MSI2: variants seen among roughly 807,000 people sequenced by gnomAD.
MSI2 encodes the protein musashi RNA binding protein 2, also known as RNA-binding protein Musashi homolog 2.
MSI2 carries 17 observed loss-of-function variants against 45.6 expected under a neutral mutation model. The observed-to-expected ratio is 0.37, with a 90% CI of 0.26 to 0.56. The LOEUF (loss-of-function observed/expected upper bound fraction) is 0.56. Ranked by LOEUF, MSI2 falls within the 20% of genes least tolerant of loss-of-function variation. The pLI is 0.77. For synonymous variants in MSI2, 156 were observed against 158.2 expected (o/e 0.99, Z 0.11); for missense variants, 293 against 444.2 (o/e 0.66, Z 3.06).
In MSI2 at chr17:57,350,818, C is replaced by T. The variant is rs528989946; in HGVS notation, c.313-50561C>T. Among the ~76,000 whole-genome samples the T allele has an allele frequency of 3.9e-5, 6 of 152,258 alleles. No homozygotes were observed. In the South Asian group the frequency reaches 1.2e-3, roughly 32 times the overall value. On this transcript the variant is annotated intron_variant, in intron 5 of 13. Transcript: ENST00000284073. ...AGACTTTTTGTTCACCCACTGTCAT[C>T]GTATCAGCTAGGGTCTCTGTAGGAA... is the stretch of plus-strand genomic sequence containing the variant.
At chr17:57,602,018 G>A (rs1320383281) in intron 8 of MSI2, 1 of 152,104 alleles carries the variant, frequency 6.6e-6, no homozygotes, top group Non-Finnish European at 1.5e-5. Context: ...CCTAGTATTT[G>A]AAAAATATGG....
At chr17:57,367,542 A>G (rs936477914) in intron 5 of MSI2, among the ~76,000 whole-genome samples, 2 of 152,182 alleles carry the variant, frequency 1.3e-5, no homozygotes, top group African/African-American at 2.4e-5. Flanking sequence ...TTGGGCCGGA[A>G]CAGCCCCTTT....
intron 6 of MSI2, among the ~76,000 whole-genome samples, chr17:57,460,488 GAA>G (rs1598295607): frequency 6.6e-6 from 1 of 152,102 alleles, no homozygotes; most frequent in African/African-American, 2.4e-5. Flanking sequence ...AAAGGAAAAA[GAA>G]AGAGAAGAAA....
intron 10 of MSI2, among the ~76,000 whole-genome samples, chr17:57,641,753 C>T (rs781747738): frequency 6.6e-6 from 1 of 152,094 alleles, no homozygotes; most frequent in Non-Finnish European, 1.5e-5. Flanking sequence ...AGCTAGAATC[C>T]CTTCACTTTG....
chr17:57,636,947 T>C (rs1308442099), intron 10 of MSI2, among the ~76,000 whole-genome samples: 1 of 152,204 alleles, frequency 6.6e-6, no homozygotes, highest in East Asian at 1.9e-4. Flanking sequence ...GGACCCCAGC[T>C]AGATGCTGCA....
Position 57,608,733 on chromosome 17 carries a change from G to A in MSI2, c.538-7237G>A, listed in dbSNP as rs942479179. Among the ~76,000 whole-genome samples, 25 of 152,342 alleles carry A rather than the reference G, an allele frequency of 1.6e-4. 1 individual carries two copies. Among genetic ancestry groups the A allele is most frequent in the Middle Eastern group, 3.4e-3 (1 of 294 alleles). ...CGTTCTGCTGTGAGGCTGACTCAGG[G>A]CCAGGTGCCGTGCAGGTACACAGTA... On this transcript the variant is annotated intron_variant, in intron 8 of 13. Transcript: ENST00000284073.
rs555530659 is a variant in MSI2, at chr17:57,657,953, C to T, written c.790+5792C>T. Among the ~76,000 whole-genome samples the T allele has an allele frequency of 7.9e-5, 12 of 152,344 alleles. No individual in the cohort carries two copies. In the South Asian group the frequency reaches 1.0e-3, roughly 13 times the overall value. On this transcript the variant is annotated intron_variant, in intron 11 of 13. Transcript: ENST00000284073. ...ACTCTGGTCCTGTCCTCTGAAAGTC[C>T]GTGTTTCCCACAATGCACTGTTTCT...
chr17:57,434,356 T>C (rs1427134746), intron 6 of MSI2, among the ~76,000 whole-genome samples: 1 of 152,184 alleles, frequency 6.6e-6, no homozygotes, highest in African/African-American at 2.4e-5. Context: ...CGCCTCGGCC[T>C]CCCAAAGTGC....
At chr17:57,342,838 A>T (rs1229406210) in intron 5 of MSI2, among the ~76,000 whole-genome samples, 2 of 152,208 alleles carry the variant, frequency 1.3e-5, no homozygotes, top group African/African-American at 4.8e-5. Flanking sequence ...AGCTGTTTTA[A>T]ATTTTAATGT....
intron 11 of MSI2, among the ~76,000 whole-genome samples, chr17:57,665,121 T>C (rs1416199488): frequency 6.6e-6 from 1 of 152,184 alleles, no homozygotes; most frequent in Non-Finnish European, 1.5e-5. Flanking sequence ...CCTGCTGCTG[T>C]GGAGCCCACG....
chr17:57,641,043 T>A (rs941349114), intron 10 of MSI2, among the ~76,000 whole-genome samples: 6 of 152,218 alleles, frequency 3.9e-5, no homozygotes, highest in Non-Finnish European at 8.8e-5. Context: ...AGCTGGTAAA[T>A]GGCTGCTGCC....
chr17:57,498,571 A>G lies in MSI2; in HGVS notation c.406-31105A>G, dbSNP rs530127200. Among the ~76,000 whole-genome samples, 56 of 152,258 alleles carry G rather than the reference A, an allele frequency of 3.7e-4. 1 individual carries two copies. In the South Asian group the frequency reaches 0.011, roughly 30 times the overall value. ...GGCCAGGCCTCATGTCCACATTCTT[A>G]TGCCTGGAACACATCTCTTCTTTCC... On this transcript the variant is annotated intron_variant, in intron 6 of 13. Transcript: ENST00000284073.
At chr17:57,440,413 C>CGT (rs71139995) in intron 6 of MSI2, among the ~76,000 whole-genome samples, 13,664 of 104,366 alleles carry the variant, frequency 0.13, 1,252 homozygotes, top group Non-Finnish European at 0.14. Context: ...GTTTGTTATC[C>CGT]GTGTGTGTGT....
At chr17:57,408,046 C>T (rs1401864455) in intron 6 of MSI2, among the ~76,000 whole-genome samples, 1 of 152,166 alleles carries the variant, frequency 6.6e-6, no homozygotes, top group Non-Finnish European at 1.5e-5. Flanking sequence ...GATCCTGGGG[C>T]TTTGCAGGTA....
At chr17:57,306,614 C>T (rs966586862) in intron 5 of MSI2, among the ~76,000 whole-genome samples, 4 of 152,194 alleles carry the variant, frequency 2.6e-5, no homozygotes, top group African/African-American at 9.7e-5. Flanking sequence ...TCCTGTCACC[C>T]CTCCTGTTCC....
At chr17:57,341,769 A>G (rs1915184784) in intron 5 of MSI2, among the ~76,000 whole-genome samples, 1 of 152,196 alleles carries the variant, frequency 6.6e-6, no homozygotes, top group Non-Finnish European at 1.5e-5. Flanking sequence ...CGCCACAGAT[A>G]ATACAAAAAA....
intron 7 of MSI2, among the ~76,000 whole-genome samples, chr17:57,553,172 G>A (rs559067545): frequency 1.3e-5 from 2 of 152,168 alleles, no homozygotes; most frequent in Non-Finnish European, 2.9e-5. Flanking sequence ...GGCCAGACTC[G>A]AGGGCTCAGC....
intron 7 of MSI2, among the ~76,000 whole-genome samples, chr17:57,584,708 G>A (rs989053567): frequency 6.6e-6 from 1 of 152,066 alleles, no homozygotes; most frequent in Non-Finnish European, 1.5e-5. Flanking sequence ...TGCTGGGGAA[G>A]CTGAGTGCAC....
chr17:57,393,779 T>A (rs2083839176), intron 5 of MSI2, among the ~76,000 whole-genome samples: 1 of 152,194 alleles, frequency 6.6e-6, no homozygotes. Flanking sequence ...CCTCCCGGGT[T>A]CAAGTGATTC....
Sources: gnomAD v4.1 joint callset for allele counts (sites outside exome capture counted in the v4.1 genomes callset) on GRCh38, gnomAD v4.1.1 for gene constraint, MANE v1.5 for transcripts, NCBI Gene and HGNC (gene_info 2026-07-23, HGNC 2026-07-21) for gene names.